Variants in PPARGC1A observed in about 807,000 individuals in gnomAD.
PPARGC1A encodes the protein PPARG coactivator 1 alpha, also known as peroxisome proliferator-activated receptor gamma coactivator 1-alpha.
Under a neutral mutation model 88.7 loss-of-function variants are expected in PPARGC1A, and 25 were observed. The observed-to-expected ratio is 0.28, with a 90% CI of 0.21 to 0.39. The LOEUF is 0.39. PPARGC1A is among the 10% of genes least tolerant of loss of function. PPARGC1A has a pLI of 1.00. For synonymous variants in PPARGC1A, 363 were observed against 355.6 expected (o/e 1.02, Z -0.24); for missense variants, 880 against 968.7 (o/e 0.91, Z 1.22).
chr4:23,825,855 TA>T (rs1376127096), intron 5 of PPARGC1A, among the ~76,000 whole-genome samples: 1 of 152,198 alleles, frequency 6.6e-6, no homozygotes, highest in African/African-American at 2.4e-5. Context: ...GATTTTACAT[TA>T]ATTTTTGAGT....
the PPARGC1A span, among the ~76,000 whole-genome samples, chr4:24,222,268 C>T: frequency 6.6e-6 from 1 of 152,222 alleles, no homozygotes; most frequent in Non-Finnish European, 1.5e-5. Context: ...CACTGCTGTG[C>T]ATTACGCTTG....
the PPARGC1A span, among the ~76,000 whole-genome samples, chr4:24,441,232 A>C: frequency 1.3e-5 from 2 of 152,182 alleles, no homozygotes; most frequent in Non-Finnish European, 2.9e-5. Context: ...GTAGTCACAG[A>C]AGTATTCCAC....
At chr4:24,413,572 C>T in the PPARGC1A span, among the ~76,000 whole-genome samples, 2 of 152,124 alleles carry the variant, frequency 1.3e-5, no homozygotes, top group African/African-American at 4.8e-5. Context: ...CTTCTTTAGC[C>T]GGCTGGGATC....
At chr4:24,211,041 T>C in the PPARGC1A span, among the ~76,000 whole-genome samples, 20 of 152,204 alleles carry the variant, frequency 1.3e-4, no homozygotes, top group Admixed American at 1.2e-3. Flanking sequence ...TGAATTGCAG[T>C]TGCTTACTTA....
chr4:24,365,347 C>T, the PPARGC1A span, among the ~76,000 whole-genome samples: 3 of 152,060 alleles, frequency 2.0e-5, no homozygotes, highest in Non-Finnish European at 4.4e-5. Flanking sequence ...ATTCTCTGCC[C>T]GGTGACATTT....
rs1324291868 is a variant in PPARGC1A, at chr4:23,873,214, A to AAAAAG, written c.234+11537_234+11538insCTTTT. On this transcript the variant is annotated intron_variant, in intron 2 of 12. Transcript: ENST00000264867. ...CTCCGTCTCAAAAATAAAAAATAAA[A>AAAAAG]AATAAAAAATAAAGAAAAAAATGTG... Among the ~76,000 whole-genome samples the AAAAAG allele has an allele frequency of 2.1e-4, 30 of 145,840 alleles. 1 individual carries two copies. The highest frequency in any genetic ancestry group is 3.2e-4 in the Non-Finnish European group (21 of 65,380).
chr4:24,181,740 T>G, the PPARGC1A span, among the ~76,000 whole-genome samples: 1 of 152,068 alleles, frequency 6.6e-6, no homozygotes, highest in Non-Finnish European at 1.5e-5. Flanking sequence ...CCAAGAAAAC[T>G]TAATTTAACA....
intron 5 of PPARGC1A, among the ~76,000 whole-genome samples, chr4:23,827,811 G>A (rs925902185): frequency 4.0e-5 from 6 of 149,734 alleles, no homozygotes; most frequent in Non-Finnish European, 7.4e-5. Context: ...TGTAGAAAAG[G>A]AGGAGAAGGG....
the PPARGC1A span, among the ~76,000 whole-genome samples, chr4:24,361,332 A>G: frequency 6.6e-6 from 1 of 152,106 alleles, no homozygotes; most frequent in Non-Finnish European, 1.5e-5. Context: ...AGAACCTACA[A>G]CTCCCCAATT....
At chr4:24,472,884 G>A in the PPARGC1A span, among the ~76,000 whole-genome samples, 1 of 151,368 alleles carries the variant, frequency 6.6e-6, no homozygotes, top group Non-Finnish European at 1.5e-5. The surrounding 1 kb of genome is among the most constrained non-coding windows in gnomAD (Gnocchi z 4.5). Context: ...CGCAGAGGCA[G>A]CGCGAGCGGG....
chr4:24,451,792 G>A, the PPARGC1A span, among the ~76,000 whole-genome samples: 1 of 152,130 alleles, frequency 6.6e-6, no homozygotes, highest in African/African-American at 2.4e-5. Context: ...TGGCCAGGAT[G>A]ATCTCGATCT....
the PPARGC1A span, among the ~76,000 whole-genome samples, chr4:23,927,902 A>G: frequency 6.6e-6 from 1 of 152,186 alleles, no homozygotes; most frequent in South Asian, 2.1e-4. Flanking sequence ...AATGGACTTT[A>G]ACCAATCAGA....
chr4:24,349,247 T>G, the PPARGC1A span, among the ~76,000 whole-genome samples: 1 of 152,162 alleles, frequency 6.6e-6, no homozygotes, highest in Admixed American at 6.5e-5. Flanking sequence ...CTTTGGTGGT[T>G]TGATGCTCTA....
At chr4:24,134,119 A>T in the PPARGC1A span, among the ~76,000 whole-genome samples, 1 of 152,216 alleles carries the variant, frequency 6.6e-6, no homozygotes, top group African/African-American at 2.4e-5. Context: ...TCTTTCAAAG[A>T]CAGAGAAATG....
At chr4:24,131,798 GCTGA>G in the PPARGC1A span, among the ~76,000 whole-genome samples, 1 of 152,104 alleles carries the variant, frequency 6.6e-6, no homozygotes, top group East Asian at 1.9e-4. Context: ...CAGAAAGGAA[GCTGA>G]CTCTTTTAAG....
At chr4:24,103,102 T>C in the PPARGC1A span, among the ~76,000 whole-genome samples, 1 of 152,154 alleles carries the variant, frequency 6.6e-6, no homozygotes, top group Non-Finnish European at 1.5e-5. Context: ...GCTTCAATGT[T>C]TAAAACAATT....
chr4:24,101,100 C>G, the PPARGC1A span, among the ~76,000 whole-genome samples: 1 of 152,220 alleles, frequency 6.6e-6, no homozygotes, highest in South Asian at 2.1e-4. Context: ...GAATTGTAAT[C>G]TCCACTGTTG....
the PPARGC1A span, among the ~76,000 whole-genome samples, chr4:24,075,861 C>A: frequency 6.6e-6 from 1 of 152,146 alleles, no homozygotes; most frequent in East Asian, 1.9e-4. Context: ...TTATTACCAG[C>A]GTGAGAACAG....
the PPARGC1A span, among the ~76,000 whole-genome samples, chr4:24,116,027 G>A: frequency 6.6e-6 from 1 of 152,128 alleles, no homozygotes; most frequent in African/African-American, 2.4e-5. Context: ...GACACAAGCA[G>A]ATGAGAGAAA....
Sources: allele counts gnomAD v4.1 joint callset (sites outside exome capture counted in the v4.1 genomes callset), GRCh38; gene constraint gnomAD v4.1.1; non-coding constraint Gnocchi (gnomAD v3.1); transcripts MANE v1.5; gene names NCBI Gene and HGNC (gene_info 2026-07-23, HGNC 2026-07-21).